OSBPL2: variants seen among roughly 807,000 people sequenced by gnomAD.
OSBPL2 encodes oxysterol-binding protein-related protein 2.
OSBPL2 carries 18 observed loss-of-function variants against 58.4 expected under a neutral mutation model. The ratio of observed to expected loss-of-function variants is 0.31; its 90% CI spans 0.21 to 0.46. The LOEUF (loss-of-function observed/expected upper bound fraction) is 0.46, where lower values mean the gene tolerates loss of function less well. Among genes scored for constraint, OSBPL2 ranks in the 20% least tolerant of loss-of-function variants. The pLI is 1.00. For synonymous variants in OSBPL2, 221 were observed against 234.1 expected (o/e 0.94, Z 0.51); for missense variants, 461 against 616.5 (o/e 0.75, Z 2.67).
At chr20:62,272,485 C>T (rs1321911967) in intron 5 of OSBPL2, among the ~76,000 whole-genome samples, 1 of 152,158 alleles carries the variant, frequency 6.6e-6, no homozygotes, top group Non-Finnish European at 1.5e-5. Flanking sequence ...CCAAGAGCTC[C>T]CTGCTGCCGC....
chr20:62,243,783 A>T (rs1601143198), intron 1 of OSBPL2, among the ~76,000 whole-genome samples: 1 of 151,990 alleles, frequency 6.6e-6, no homozygotes, highest in Admixed American at 6.6e-5. Flanking sequence ...GAATATGAAT[A>T]ATGTGGGTCA....
At chr20:62,262,527 G>A (rs941457762) in intron 3 of OSBPL2, among the ~76,000 whole-genome samples, 1 of 152,246 alleles carries the variant, frequency 6.6e-6, no homozygotes, top group South Asian at 2.1e-4. Context: ...GTGCACGGAC[G>A]ATGGCGGAGC....
chr20:62,268,451 A>C (rs1220592022), intron 4 of OSBPL2, among the ~76,000 whole-genome samples: 1 of 152,070 alleles, frequency 6.6e-6, no homozygotes, highest in African/African-American at 2.4e-5. Context: ...AGTTTAGGGC[A>C]TGTCTTTCAT....
rs75597534 is a variant in OSBPL2, at chr20:62,289,457, A to G, written c.1249+127A>G. On this transcript the variant is annotated intron_variant, in intron 12 of 13. Coordinates refer to ENST00000313733, the MANE Select transcript of OSBPL2 (RefSeq NM_144498.4). ...CAAGGGGAGCCCCGTCCCTCTCCCT[A>G]AACAAACAGGCAGGCTGCAGGCCTT... is the stretch of plus-strand genomic sequence containing the variant. 2,433 of 1,135,296 alleles carry G rather than the reference A, an allele frequency of 2.1e-3. 38 individuals carry two copies. In the African/African-American group the frequency reaches 0.033, roughly 16 times the overall value. The allele number at this position is 1,135,296 out of a possible 1,614,324, so 70.3% of individuals were successfully genotyped here.
Position 62,294,142 on chromosome 20 carries a change from A to G in OSBPL2, c.*255A>G, listed in dbSNP as rs1384491721. ...TAAGGTTTCAACAGGGAAATTCTTC[A>G]CGGCGCCCTTTTATGTGGCAGAAAT... On this transcript the variant is annotated 3_prime_UTR_variant, in exon 14 of 14. Coordinates refer to ENST00000313733, the MANE Select transcript of OSBPL2 (RefSeq NM_144498.4). 5.6e-6 allele frequency: 3 copies of G among 537,574 alleles called. No individual in the cohort carries two copies. The highest frequency in any genetic ancestry group is 3.6e-4 in the Middle Eastern group (1 of 2,756). The allele number at this position is 537,574 out of a possible 1,614,324, so 33.3% of individuals were successfully genotyped here.
intron 12 of OSBPL2, among the ~76,000 whole-genome samples, chr20:62,289,831 G>C (rs962401772): frequency 1.3e-5 from 2 of 152,120 alleles, no homozygotes; most frequent in African/African-American, 2.4e-5. Context: ...CTTGTACCCA[G>C]GAGGTGGAGG....
chr20:62,244,299 TCTC>T (rs745766448), intron 1 of OSBPL2, among the ~76,000 whole-genome samples: 117 of 152,238 alleles, frequency 7.7e-4, no homozygotes, highest in Non-Finnish European at 1.3e-3. Flanking sequence ...GGTGTCTCCT[TCTC>T]CTCTAGCTGC....
In OSBPL2 at chr20:62,280,382, GAAGTTGCACACCTTGCTGATA is replaced by G. The variant is rs1401600098; in HGVS notation, c.675-653_675-633del. On this transcript the variant is annotated intron_variant, in intron 7 of 13. Transcript: ENST00000313733. ...TTAATTAAGAGGCATGCAGAAATGAGAAGTTGCACACCTTGCTGATAAAGTTGCACACCTTGCTGATAACCT... is the reference window on the plus strand; with the variant it reads ...TTAATTAAGAGGCATGCAGAAATGAGAAGTTGCACACCTTGCTGATAACCT... 5.3e-5 allele frequency among the ~76,000 whole-genome samples: 8 copies of G among 152,304 alleles called. No homozygotes were observed. In the South Asian group the frequency reaches 1.5e-3, roughly 28 times the overall value.
rs570360009 is a variant in OSBPL2 at position 62,281,650 on chromosome 20, G to A, written c.783-140G>A. On this transcript the variant is annotated intron_variant, in intron 8 of 13. Coordinates refer to ENST00000313733, the MANE Select transcript of OSBPL2 (RefSeq NM_144498.4). ...ACAGCCCATTTCAAACACTTCCATC[G>A]CCCCAAAGGCCCACCACACCCATTT... 827 of 599,270 alleles carry A rather than the reference G, an allele frequency of 1.4e-3. 24 individuals carry two copies. The South Asian group carries it at 0.016, about 12-fold the overall frequency. 37.1% of individuals were successfully genotyped at this position (599,270 alleles called of 1,614,324 possible).
chr20:62,280,152 CTTG>C lies in OSBPL2; in HGVS notation c.674+818_674+820del, dbSNP rs1402831161. On this transcript the variant is annotated intron_variant, in intron 7 of 13. Coordinates refer to ENST00000313733, the MANE Select transcript of OSBPL2 (RefSeq NM_144498.4). ...GTCTTGCCAAGCCACTGCCTGCAGT[CTTG>C]TTGTAGGCAGCAGGTCCTAACAAAT... The C allele has an allele frequency of 2.4e-5, 30 of 1,272,626 alleles. No homozygotes were observed. In the East Asian group the frequency reaches 1.3e-3, roughly 55 times the overall value. The allele number at this position is 1,272,626 out of a possible 1,614,324, so 78.8% of individuals were successfully genotyped here.
At chr20:62,251,659 C>T (rs888617197) in intron 1 of OSBPL2, among the ~76,000 whole-genome samples, 15 of 151,584 alleles carry the variant, frequency 9.9e-5, no homozygotes, top group East Asian at 5.9e-4. Flanking sequence ...CCGCCTGCCT[C>T]GGCCTCCCAA....
At chr20:62,253,584 C>G (rs763360439) in intron 1 of OSBPL2, among the ~76,000 whole-genome samples, 16 of 152,044 alleles carry the variant, frequency 1.1e-4, no homozygotes, top group Non-Finnish European at 1.9e-4. Flanking sequence ...GCAGGCTCCT[C>G]GTTCTGGAGT....
At chr20:62,284,528 C>A in intron 10 of OSBPL2, 1 of 219,492 alleles carries the variant, frequency 4.6e-6, no homozygotes, top group South Asian at 8.4e-5. Flanking sequence ...AGGCATGTAC[C>A]ACCATGCCTG....
At chr20:62,279,469 A>C in intron 7 of OSBPL2, 130 bp downstream of exon 7, 1 of 869,744 alleles carries the variant, frequency 1.1e-6, no homozygotes, top group Non-Finnish European at 1.7e-6. Context: ...ACCTCCCCAC[A>C]GCAGAAACGT....
At position 62,269,633 on chromosome 20, in the gene OSBPL2, C is replaced by T. The variant is rs890146229; in HGVS notation, c.259-2492C>T. Among the ~76,000 whole-genome samples the T allele has an allele frequency of 9.8e-5, 15 of 152,338 alleles. No individual in the cohort carries two copies. Among genetic ancestry groups the T allele is most frequent in the Non-Finnish European group, 2.2e-4 (15 of 68,030 alleles). ...TGGCCGCTGTGGACTGTGGCCTCTT[C>T]TAGTTTACCAGGCGTTTAGAGCACG... On this transcript the variant is annotated intron_variant, in intron 4 of 13. Transcript: ENST00000313733. The surrounding 1 kb of genome is among the most constrained non-coding windows in gnomAD (Gnocchi z 4.2).
chr20:62,242,720 A>G (rs1377076013), intron 1 of OSBPL2: 1 of 152,340 alleles, frequency 6.6e-6, no homozygotes, highest in East Asian at 1.9e-4. Context: ...ACGCTGAGGC[A>G]AGTCAGGGGT....
At chr20:62,257,978 G>T (rs556861213) in intron 2 of OSBPL2, among the ~76,000 whole-genome samples, 1 of 152,312 alleles carries the variant, frequency 6.6e-6, no homozygotes, top group South Asian at 2.1e-4. Context: ...GCCTCCCAAA[G>T]TGCTGGGATT....
intron 4 of OSBPL2, among the ~76,000 whole-genome samples, chr20:62,267,333 C>G (rs997708773): frequency 6.6e-6 from 1 of 152,184 alleles, no homozygotes; most frequent in Non-Finnish European, 1.5e-5. Context: ...ACATGATCAC[C>G]CTTTATTGAT....
At position 62,260,027 on chromosome 20, in the gene OSBPL2, G is replaced by A. The variant is rs200168392; in HGVS notation, c.84G>A (p.Gln28=). ...CTGGGGAATTTTCAGAGGCAAATCA[G>A]AAAGTCACGGGAATGATTGACTTAG... ...NSSGEFSEAN[Q]KVTGMIDLDT... Residue 28 remains glutamine, a synonymous_variant, in exon 3 of 14, where the codon CAG becomes CAA. Coordinates refer to ENST00000313733, the MANE Select transcript of OSBPL2 (RefSeq NM_144498.4). 3.7e-6 allele frequency: 6 copies of A among 1,613,834 alleles called. No individual in the cohort carries two copies. The highest frequency in any genetic ancestry group is 4.2e-6 in the Non-Finnish European group (5 of 1,179,728).
Sources: allele counts gnomAD v4.1 joint callset (sites outside exome capture counted in the v4.1 genomes callset), GRCh38; gene constraint gnomAD v4.1.1; non-coding constraint Gnocchi (gnomAD v3.1); transcripts MANE v1.5; gene names NCBI Gene and HGNC (gene_info 2026-07-23, HGNC 2026-07-21).